Variants in ARL15 observed in about 807,000 individuals in gnomAD.
ARL15 encodes ADP-ribosylation factor-like protein 15.
Under a neutral mutation model 25.2 loss-of-function variants are expected in ARL15, and 19 were observed. The ratio of observed to expected loss-of-function variants is 0.75; its 90% CI spans 0.53 to 1.10. ARL15 has a LOEUF of 1.10. Ranked by LOEUF, ARL15 falls within the 50% of genes least tolerant of loss-of-function variation. ARL15 has a pLI of 0.00. For missense variants in ARL15, 220 were observed against 246.0 expected, an observed-to-expected ratio of 0.89 and a Z score of 0.71; for synonymous variants, 94 against 86.8, an observed-to-expected ratio of 1.08 and a Z score of -0.46.
chr5:53,960,265 T>C (rs1580119814), intron 4 of ARL15, among the ~76,000 whole-genome samples: 1 of 152,286 alleles, frequency 6.6e-6, no homozygotes, highest in Middle Eastern at 3.4e-3. Context: ...GTGCATATTC[T>C]AAAGGGATAT....
intron 4 of ARL15, among the ~76,000 whole-genome samples, chr5:54,056,057 G>A (rs998781674): frequency 2.6e-5 from 4 of 152,130 alleles, no homozygotes; most frequent in African/African-American, 9.7e-5. Flanking sequence ...TACAAAAGGA[G>A]TATGCATACT....
intron 3 of ARL15, among the ~76,000 whole-genome samples, chr5:54,134,735 C>T (rs534777251): frequency 6.6e-6 from 1 of 151,968 alleles, no homozygotes; most frequent in Non-Finnish European, 1.5e-5. Context: ...CAGGCACGCA[C>T]CACCACACCC....
chr5:54,192,988 G>A (rs552517127), intron 1 of ARL15, among the ~76,000 whole-genome samples: 1 of 152,094 alleles, frequency 6.6e-6, no homozygotes, highest in East Asian at 1.9e-4. Context: ...CATGTTTCAC[G>A]TAGGACATTC....
chr5:54,251,141 C>CCG (rs1554050501), intron 1 of ARL15, among the ~76,000 whole-genome samples: 2 of 152,090 alleles, frequency 1.3e-5, no homozygotes, highest in African/African-American at 4.8e-5. Flanking sequence ...AAGCCCCTCC[C>CCG]CTAATTCAGG....
At chr5:54,070,070 A>G (rs1409554308) in intron 4 of ARL15, among the ~76,000 whole-genome samples, 2 of 150,674 alleles carry the variant, frequency 1.3e-5, no homozygotes, top group African/African-American at 4.9e-5. Flanking sequence ...GGAGTGGTTT[A>G]GTTATCAAGG....
chr5:54,289,607 C>T (rs918231124), intron 1 of ARL15, among the ~76,000 whole-genome samples: 1 of 150,020 alleles, frequency 6.7e-6, no homozygotes, highest in African/African-American at 2.5e-5. Context: ...TTCTGGGAGA[C>T]ATTAAGAGCA....
At chr5:54,262,223 C>T (rs979174284) in intron 1 of ARL15, among the ~76,000 whole-genome samples, 18 of 152,148 alleles carry the variant, frequency 1.2e-4, no homozygotes, top group Non-Finnish European at 5.9e-5. Context: ...AGATCCAAGC[C>T]ACCATGTAAA....
At chr5:54,179,789 A>AG (rs1272653247) in intron 1 of ARL15, among the ~76,000 whole-genome samples, 1 of 151,932 alleles carries the variant, frequency 6.6e-6, no homozygotes, top group Non-Finnish European at 1.5e-5. Context: ...AGGCCGAGGT[A>AG]GGGGGATCAT....
intron 4 of ARL15, among the ~76,000 whole-genome samples, chr5:54,054,988 G>C (rs1750818654): frequency 1.3e-5 from 2 of 152,062 alleles, no homozygotes; most frequent in South Asian, 4.2e-4. Context: ...AAAAAGGCAT[G>C]TTGTGATACA....
intron 4 of ARL15, among the ~76,000 whole-genome samples, chr5:54,082,708 C>T (rs977209788): frequency 1.3e-5 from 2 of 152,124 alleles, no homozygotes; most frequent in Non-Finnish European, 2.9e-5. Context: ...TGCTCTTGCA[C>T]CTTTAATGCT....
chr5:54,060,292 G>A (rs1751024233), intron 4 of ARL15, among the ~76,000 whole-genome samples: 1 of 152,148 alleles, frequency 6.6e-6, no homozygotes, highest in Non-Finnish European at 1.5e-5. Flanking sequence ...AGATGGGCAT[G>A]GTGGTGCATT....
intron 1 of ARL15, among the ~76,000 whole-genome samples, chr5:54,263,899 CTCAG>C (rs749588495): frequency 9.2e-5 from 14 of 152,224 alleles, no homozygotes; most frequent in African/African-American, 1.4e-4. Context: ...TGTCCCCTGT[CTCAG>C]TTAAAAGCAT....
At position 53,886,338 on chromosome 5, in the gene ARL15, C is replaced by G. The variant is rs1167771506; in HGVS notation, c.*223G>C. 1.5e-5 allele frequency: 7 copies of G among 481,548 alleles called. No individual in the cohort carries two copies. The highest frequency in any genetic ancestry group is 2.5e-5 in the Non-Finnish European group (7 of 275,472). 29.8% of individuals were successfully genotyped at this position (481,548 alleles called of 1,614,324 possible). A position where few individuals can be genotyped will look rare whatever the true frequency, so the allele number is the denominator to read the frequency against. On this transcript the variant is annotated 3_prime_UTR_variant, in exon 5 of 5. Transcript: ENST00000504924. ...TGCGGGGAAGATAATTAGTGGTAAA[C>G]AGAGAATAAATTCTCTCTCAGTAGT...
intron 4 of ARL15, among the ~76,000 whole-genome samples, chr5:54,081,894 C>A (rs1001600313): frequency 6.6e-6 from 1 of 152,038 alleles, no homozygotes; most frequent in Non-Finnish European, 1.5e-5. Context: ...GAGTTTGAGA[C>A]CAGTCTGGCC....
At chr5:54,170,235 C>T (rs1333106025) in intron 2 of ARL15, among the ~76,000 whole-genome samples, 1 of 152,108 alleles carries the variant, frequency 6.6e-6, no homozygotes, top group African/African-American at 2.4e-5. Flanking sequence ...CCTACCTATT[C>T]CTTCCTCTTC....
intron 4 of ARL15, among the ~76,000 whole-genome samples, chr5:54,102,204 G>A (rs189963466): frequency 1.3e-5 from 2 of 151,992 alleles, no homozygotes; most frequent in Non-Finnish European, 2.9e-5. Context: ...TAGAGAATGG[G>A]TTTCACCATG....
At chr5:54,281,288 C>T (rs781132349) in intron 1 of ARL15, among the ~76,000 whole-genome samples, 10 of 151,966 alleles carry the variant, frequency 6.6e-5, no homozygotes, top group Admixed American at 2.6e-4. Flanking sequence ...TACAGGCGCC[C>T]GCCACCACGC....
chr5:53,968,280 T>C (rs1278627343), intron 4 of ARL15, among the ~76,000 whole-genome samples: 2 of 152,204 alleles, frequency 1.3e-5, no homozygotes, highest in Non-Finnish European at 2.9e-5. Context: ...ACCTGGCATA[T>C]CTAATTTTTT....
intron 4 of ARL15, among the ~76,000 whole-genome samples, chr5:53,953,958 G>A (rs1297223531): frequency 6.6e-6 from 1 of 151,978 alleles, no homozygotes; most frequent in Admixed American, 6.6e-5. Context: ...ACCTTATACA[G>A]ATGTACATTA....
Sources: gnomAD v4.1 joint callset for allele counts (sites outside exome capture counted in the v4.1 genomes callset) on GRCh38, gnomAD v4.1.1 for gene constraint, MANE v1.5 for transcripts, NCBI Gene and HGNC (gene_info 2026-07-23, HGNC 2026-07-21) for gene names.